The following CNBD1 variants were observed in gnomAD, a reference collection of about 807,000 sequenced individuals.
CNBD1 encodes cyclic nucleotide-binding domain-containing protein 1.
A neutral mutation model predicts 54.4 loss-of-function variants in CNBD1; 71 were observed. The ratio of observed to expected loss-of-function variants is 1.30; its 90% CI spans 1.08 to 1.59. CNBD1 has a LOEUF of 1.59. Among genes scored for constraint, CNBD1 ranks in the 40% most tolerant of loss-of-function variants. CNBD1 has a pLI of 0.00. For synonymous variants in CNBD1, 182 were observed against 170.7 expected (o/e 1.07, Z -0.51); for missense variants, 659 against 518.0 (o/e 1.27, Z -2.64).
rs546704369 is a variant in CNBD1, at chr8:87,344,536, G to A, written c.1043-7149G>A. On this transcript the variant is annotated intron_variant, in intron 8 of 10. Transcript: ENST00000518476. ...TGTATGAAATATGATTTTACATATA[G>A]TGATCGAATTCATTTGAGTTTAAAT... 3.1e-3 allele frequency among the ~76,000 whole-genome samples: 478 copies of A among 152,130 alleles called. 2 individuals carry two copies. Among genetic ancestry groups the A allele is most frequent in the African/African-American group, 0.011 (451 of 41,520 alleles).
chr8:87,147,322 T>A (rs1037039244), intron 4 of CNBD1, among the ~76,000 whole-genome samples: 1 of 152,188 alleles, frequency 6.6e-6, no homozygotes, highest in Admixed American at 6.5e-5. Context: ...TCATCACTAT[T>A]TTTCACACAA....
chr8:86,957,481 C>A (rs898583354), intron 4 of CNBD1, among the ~76,000 whole-genome samples: 3 of 152,080 alleles, frequency 2.0e-5, no homozygotes, highest in African/African-American at 7.2e-5. Context: ...GGTTGGTAGG[C>A]TATTAATTAT....
chr8:87,307,730 T>G (rs1809184655), intron 8 of CNBD1, among the ~76,000 whole-genome samples: 1 of 89,468 alleles, frequency 1.1e-5, no homozygotes, highest in African/African-American at 4.1e-5. Flanking sequence ...AGAGTGAAAC[T>G]CCGTCTCAAA....
intron 10 of CNBD1, 64 bp from the exon 11 acceptor site, chr8:87,382,556 A>T: frequency 7.3e-7 from 1 of 1,373,964 alleles, no homozygotes; most frequent in Non-Finnish European, 1.0e-6. Context: ...ATTCTGTAGG[A>T]AAATAATTAC....
At chr8:87,406,661 G>A (rs943193279) in intron 2 of CNBD1, among the ~76,000 whole-genome samples, 5 of 151,894 alleles carry the variant, frequency 3.3e-5, no homozygotes, top group African/African-American at 9.7e-5. Context: ...TGTATTTTTA[G>A]TAGAGATGGG....
intron 4 of CNBD1, among the ~76,000 whole-genome samples, chr8:86,969,793 TACAC>T (rs10547170): frequency 0.68 from 98,367 of 144,220 alleles, 34,401 homozygotes; most frequent in East Asian, 0.92. Flanking sequence ...TATATATATA[TACAC>T]ACACACACAC....
chr8:87,187,569 A>T (rs1236759267), intron 4 of CNBD1, among the ~76,000 whole-genome samples: 2 of 152,064 alleles, frequency 1.3e-5, no homozygotes, highest in Non-Finnish European at 2.9e-5. Flanking sequence ...AAAATTTCAA[A>T]CCAGCATTAT....
At chr8:87,100,109 A>T (rs537718348) in intron 4 of CNBD1, among the ~76,000 whole-genome samples, 1 of 152,146 alleles carries the variant, frequency 6.6e-6, no homozygotes, top group Non-Finnish European at 1.5e-5. Flanking sequence ...ATGAATGTCA[A>T]ATTCTTCTGA....
At chr8:87,387,781 A>AT (rs1293617311), downstream of CNBD1, among the ~76,000 whole-genome samples, 2 of 152,216 alleles carry the variant, frequency 1.3e-5, no homozygotes, top group Non-Finnish European at 2.9e-5. Context: ...AGAACTCTCC[A>AT]TCCCAAATCA....
intron 4 of CNBD1, among the ~76,000 whole-genome samples, chr8:87,028,256 G>T (rs982843516): frequency 6.6e-6 from 1 of 152,204 alleles, no homozygotes; most frequent in Non-Finnish European, 1.5e-5. Context: ...TTCAAAGGCA[G>T]CTCTTCTGAG....
chr8:87,256,902 G>A (rs1256546386), intron 6 of CNBD1, among the ~76,000 whole-genome samples: 1 of 151,832 alleles, frequency 6.6e-6, no homozygotes, highest in East Asian at 1.9e-4. Context: ...GTCTTTCTAT[G>A]ATGTTCTCAT....
chr8:87,339,865 A>G (rs1810029739), intron 8 of CNBD1, among the ~76,000 whole-genome samples: 1 of 152,144 alleles, frequency 6.6e-6, no homozygotes, highest in South Asian at 2.1e-4. Flanking sequence ...TTCTATAATT[A>G]TAATTTTTAT....
chr8:86,911,098 A>G (rs1809093544), intron 3 of CNBD1, among the ~76,000 whole-genome samples: 1 of 152,210 alleles, frequency 6.6e-6, no homozygotes, highest in African/African-American at 2.4e-5. Flanking sequence ...TCTACTGTAC[A>G]TGTGGTGACA....
chr8:87,241,082 A>G (rs1055402818), intron 6 of CNBD1, among the ~76,000 whole-genome samples: 3 of 151,888 alleles, frequency 2.0e-5, no homozygotes, highest in African/African-American at 4.8e-5. Flanking sequence ...AAACTTCAGG[A>G]CTCTAAAAAT....
At position 87,415,741 on chromosome 8, in the gene CNBD1, A is replaced by G. The variant is rs185332083; in HGVS notation, c.214-12805A>G. ...TGAGAATTGTTTCCTTTCATAAAGG[A>G]CTATGTTATTTAGATAAACCTCCTG... On this transcript the variant is annotated intron_variant, in intron 2 of 7. Transcript: ENST00000521593. Among the ~76,000 whole-genome samples the G allele has an allele frequency of 1.6e-4, 25 of 152,102 alleles. No individual in the cohort carries two copies. In the East Asian group the frequency reaches 4.6e-3, roughly 28 times the overall value.
At chr8:87,210,375 G>T (rs1404777122) in intron 5 of CNBD1, among the ~76,000 whole-genome samples, 1 of 152,158 alleles carries the variant, frequency 6.6e-6, no homozygotes, top group Admixed American at 6.5e-5. Flanking sequence ...GCAACCACTT[G>T]TTAGAAATAT....
chr8:87,302,141 G>C (rs550787704), intron 8 of CNBD1, among the ~76,000 whole-genome samples: 224 of 152,204 alleles, frequency 1.5e-3, no homozygotes, highest in African/African-American at 4.9e-3. Flanking sequence ...CATTTTATGA[G>C]GCAAGCATCA....
intron 4 of CNBD1, among the ~76,000 whole-genome samples, chr8:87,077,751 C>A (rs1810904321): frequency 6.6e-6 from 1 of 151,940 alleles, no homozygotes; most frequent in South Asian, 2.1e-4. Flanking sequence ...ATGAACTCAT[C>A]CTTTTTTATG....
At chr8:86,934,670 G>C (rs964603483) in intron 3 of CNBD1, among the ~76,000 whole-genome samples, 2 of 152,054 alleles carry the variant, frequency 1.3e-5, no homozygotes, top group Non-Finnish European at 2.9e-5. Context: ...TTTGCTAACA[G>C]TTTGTATTAC....
Sources: allele counts gnomAD v4.1 joint callset (sites outside exome capture counted in the v4.1 genomes callset), GRCh38; gene constraint gnomAD v4.1.1; transcripts MANE v1.5; gene names NCBI Gene and HGNC (gene_info 2026-07-23, HGNC 2026-07-21).